The following ST6GALNAC3 variants were observed in gnomAD, a reference collection of about 807,000 sequenced individuals.
The protein encoded by ST6GALNAC3 is alpha-N-acetylgalactosaminide alpha-2,6-sialyltransferase 3.
ST6GALNAC3 carries 25 observed loss-of-function variants against 32.7 expected under a neutral mutation model. The observed-to-expected ratio is 0.76, with a 90% CI of 0.56 to 1.07. The LOEUF (loss-of-function observed/expected upper bound fraction) is 1.07, where lower values mean the gene tolerates loss of function less well. ST6GALNAC3 is among the 50% of genes least tolerant of loss of function. The pLI is 0.00. For missense variants in ST6GALNAC3, 355 were observed against 382.4 expected, an observed-to-expected ratio of 0.93 and a Z score of 0.60; for synonymous variants, 129 against 133.1, an observed-to-expected ratio of 0.97 and a Z score of 0.21.
chr1:76,371,876 T>A (rs1650851216), intron 2 of ST6GALNAC3, among the ~76,000 whole-genome samples: 1 of 152,190 alleles, frequency 6.6e-6, no homozygotes. Flanking sequence ...GAGTAATGAA[T>A]CTAATATATT....
At chr1:76,277,543 T>TGTTTATAC (rs1659208736) in intron 1 of ST6GALNAC3, among the ~76,000 whole-genome samples, 1 of 73,844 alleles carries the variant, frequency 1.4e-5, no homozygotes, top group Non-Finnish European at 3.6e-5. Context: ...TATATATATA[T>TGTTTATAC]ATATATATAT....
intron 3 of ST6GALNAC3, among the ~76,000 whole-genome samples, chr1:76,529,915 C>A (rs1182672963): frequency 6.6e-6 from 1 of 152,188 alleles, no homozygotes; most frequent in Non-Finnish European, 1.5e-5. Flanking sequence ...CTCACAAAAG[C>A]AGTTCCTCAC....
intron 2 of ST6GALNAC3, among the ~76,000 whole-genome samples, chr1:76,352,497 C>CTTTTTTTTTTTTT (rs397706056): frequency 2.6e-5 from 3 of 116,208 alleles, no homozygotes; most frequent in South Asian, 3.1e-4. Flanking sequence ...TTTTGGTTTC[C>CTTTTTTTTTTTTT]TTTTTTTTTT....
chr1:76,123,872 C>T (rs1388204154), intron 1 of ST6GALNAC3, among the ~76,000 whole-genome samples: 1 of 150,262 alleles, frequency 6.7e-6, no homozygotes, highest in African/African-American at 2.5e-5. Context: ...GACTCAGCCT[C>T]CCAAATAGCT....
chr1:76,354,428 A>G (rs150237803), intron 2 of ST6GALNAC3, among the ~76,000 whole-genome samples: 17 of 152,348 alleles, frequency 1.1e-4, no homozygotes, highest in African/African-American at 4.1e-4. Flanking sequence ...ACATGTTCTC[A>G]GTACCTGGAA....
At chr1:76,101,631 T>C (rs183884211) in intron 1 of ST6GALNAC3, among the ~76,000 whole-genome samples, 370 of 152,336 alleles carry the variant, frequency 2.4e-3, no homozygotes, top group Non-Finnish European at 4.2e-3. Context: ...TTGACTGATT[T>C]TAAAAAATGA....
chr1:76,524,737 C>T (rs1252918814), intron 3 of ST6GALNAC3, among the ~76,000 whole-genome samples: 5 of 144,922 alleles, frequency 3.5e-5, no homozygotes, highest in Non-Finnish European at 7.5e-5. Flanking sequence ...TTTTACAGAA[C>T]GTGGTATATT....
chr1:76,538,498 T>C (rs938840937), intron 3 of ST6GALNAC3, among the ~76,000 whole-genome samples: 3 of 152,128 alleles, frequency 2.0e-5, no homozygotes, highest in Non-Finnish European at 4.4e-5. Context: ...CTATTCAACA[T>C]AGTACTGGAA....
At chr1:76,400,487 C>T (rs1485339532) in intron 2 of ST6GALNAC3, among the ~76,000 whole-genome samples, 8 of 152,180 alleles carry the variant, frequency 5.3e-5, no homozygotes, top group African/African-American at 1.9e-4. Context: ...GACATTTTCT[C>T]AAAAATGAAT....
At chr1:76,572,672 AT>A (rs1646724091) in intron 3 of ST6GALNAC3, among the ~76,000 whole-genome samples, 1 of 152,156 alleles carries the variant, frequency 6.6e-6, no homozygotes, top group Non-Finnish European at 1.5e-5. Context: ...GCAATGCTGT[AT>A]GTGTAATCAT....
At chr1:76,382,473 A>G (rs754724115) in intron 2 of ST6GALNAC3, among the ~76,000 whole-genome samples, 13 of 152,208 alleles carry the variant, frequency 8.5e-5, no homozygotes, top group Non-Finnish European at 1.6e-4. Flanking sequence ...CAGATTATGC[A>G]TAGTAGAAGA....
chr1:76,430,292 A>G (rs779432663), intron 3 of ST6GALNAC3, among the ~76,000 whole-genome samples: 38 of 152,096 alleles, frequency 2.5e-4, no homozygotes, highest in Middle Eastern at 3.4e-3. Flanking sequence ...TCACTTTTAC[A>G]TTTCATTCAC....
chr1:76,399,397 T>C (rs913456767), intron 2 of ST6GALNAC3, among the ~76,000 whole-genome samples: 1 of 152,180 alleles, frequency 6.6e-6, no homozygotes, highest in Non-Finnish European at 1.5e-5. Flanking sequence ...CATGAGGTTA[T>C]TCAGTGTTTT....
At chr1:76,285,161 C>T (rs1453626300) in intron 1 of ST6GALNAC3, among the ~76,000 whole-genome samples, 1 of 152,190 alleles carries the variant, frequency 6.6e-6, no homozygotes, top group Non-Finnish European at 1.5e-5. Flanking sequence ...TGTGAGAACA[C>T]ACTCTTAATT....
intron 3 of ST6GALNAC3, among the ~76,000 whole-genome samples, chr1:76,419,944 C>CTTTTTTTTTTTTTTT (rs66531652): frequency 1.4e-5 from 2 of 138,806 alleles, no homozygotes; most frequent in African/African-American, 2.7e-5. Flanking sequence ...TTCTTTCTTT[C>CTTTTTTTTTTTTTTT]TTTTTTTTTT....
chr1:76,135,373 A>G (rs530314661), intron 1 of ST6GALNAC3, among the ~76,000 whole-genome samples: 2 of 152,334 alleles, frequency 1.3e-5, no homozygotes, highest in East Asian at 3.9e-4. Context: ...ACTTGCTTTA[A>G]AAATGAACCA....
intron 3 of ST6GALNAC3, among the ~76,000 whole-genome samples, chr1:76,612,078 C>T (rs533537606): frequency 6.6e-6 from 1 of 152,274 alleles, no homozygotes; most frequent in South Asian, 2.1e-4. Context: ...TCTCCATAGC[C>T]ATGCTTGCAT....
chr1:76,074,833 C>T lies in ST6GALNAC3; in HGVS notation c.-34C>T, dbSNP rs756856910. 8.3e-6 allele frequency: 13 copies of T among 1,575,344 alleles called. No individual in the cohort carries two copies. In the South Asian group the frequency reaches 1.1e-4, roughly 13 times the overall value. On this transcript the variant is annotated 5_prime_UTR_variant, in exon 1 of 5. Coordinates refer to ENST00000328299, the MANE Select transcript of ST6GALNAC3 (RefSeq NM_152996.4). ...GGACTGCCCCTGACCCAGGCGCGCC[C>T]GCTGCTCGGTGGCAGGAGGGCCGGC...
chr1:76,424,939 T>C (rs1655268154), intron 3 of ST6GALNAC3, among the ~76,000 whole-genome samples: 1 of 151,964 alleles, frequency 6.6e-6, no homozygotes, highest in South Asian at 2.1e-4. Context: ...TGTGAACACC[T>C]CCGTGATATT....
Sources: gnomAD v4.1 joint callset for allele counts (sites outside exome capture counted in the v4.1 genomes callset) on GRCh38, gnomAD v4.1.1 for gene constraint, MANE v1.5 for transcripts, NCBI Gene and HGNC (gene_info 2026-07-23, HGNC 2026-07-21) for gene names.